The following DLGAP2 variants were observed in gnomAD, a reference collection of about 807,000 sequenced individuals.
DLGAP2 encodes the protein disks large-associated protein 2.
Under a neutral mutation model 100.3 loss-of-function variants are expected in DLGAP2, and 26 were observed. The ratio of observed to expected loss-of-function variants is 0.26; its 90% CI spans 0.19 to 0.36. DLGAP2 has a LOEUF of 0.36. Ranked by LOEUF, DLGAP2 falls within the 10% of genes least tolerant of loss-of-function variation. The pLI is 1.00. For missense variants in DLGAP2, 1,858 were observed against 1,453.2 expected, an observed-to-expected ratio of 1.28 and a Z score of -4.53; for synonymous variants, 886 against 630.1, an observed-to-expected ratio of 1.41 and a Z score of -6.08.
intron 2 of DLGAP2, among the ~76,000 whole-genome samples, chr8:1,194,546 C>T (rs1390406868): frequency 6.6e-6 from 1 of 152,174 alleles, no homozygotes; most frequent in Non-Finnish European, 1.5e-5. Flanking sequence ...AATTCTCCAT[C>T]ACATGCAGAG....
chr8:1,694,659 C>T (rs530449165), intron 13 of DLGAP2, among the ~76,000 whole-genome samples: 66 of 152,244 alleles, frequency 4.3e-4, no homozygotes, highest in African/African-American at 1.3e-3. Flanking sequence ...CATCCAACCC[C>T]GGGGGGTGTG....
chr8:1,429,705 C>G (rs1301368033), intron 3 of DLGAP2, among the ~76,000 whole-genome samples: 1 of 151,760 alleles, frequency 6.6e-6, no homozygotes, highest in African/African-American at 2.4e-5. Context: ...GCACATGGCA[C>G]AACTCTCCAA....
intron 2 of DLGAP2, among the ~76,000 whole-genome samples, chr8:1,166,219 C>G (rs890589516): frequency 2.6e-5 from 4 of 152,172 alleles, no homozygotes; most frequent in African/African-American, 9.7e-5. Context: ...ATGCCTGCAC[C>G]ACATCCTTCT....
intron 3 of DLGAP2, among the ~76,000 whole-genome samples, chr8:1,488,713 C>G (rs1375074059): frequency 6.6e-6 from 1 of 152,168 alleles, no homozygotes; most frequent in Non-Finnish European, 1.5e-5. Context: ...ACAACATCTC[C>G]AAAGCTCCTC....
At chr8:871,468 A>G (rs1797597345) in intron 1 of DLGAP2, among the ~76,000 whole-genome samples, 1 of 152,234 alleles carries the variant, frequency 6.6e-6, no homozygotes, top group Admixed American at 6.5e-5. Flanking sequence ...TCATCCAGAT[A>G]AACTTTAAAA....
At chr8:1,296,828 G>T (rs1019049133) in intron 3 of DLGAP2, among the ~76,000 whole-genome samples, 1 of 152,188 alleles carries the variant, frequency 6.6e-6, no homozygotes, top group African/African-American at 2.4e-5. Flanking sequence ...AGCGGCCCCC[G>T]AACCACACAG....
At chr8:1,072,499 G>T (rs1317089831) in intron 2 of DLGAP2, among the ~76,000 whole-genome samples, 1 of 152,098 alleles carries the variant, frequency 6.6e-6, no homozygotes, top group Admixed American at 6.5e-5. Flanking sequence ...TGGAGAACTC[G>T]ACGCGTGTTT....
chr8:1,495,533 G>A (rs964318945), intron 3 of DLGAP2, among the ~76,000 whole-genome samples: 12 of 152,224 alleles, frequency 7.9e-5, no homozygotes, highest in African/African-American at 2.2e-4. Flanking sequence ...CCAGGACTGC[G>A]CTGGCCCGGC....
At chr8:1,262,848 C>T (rs1020753960) in intron 3 of DLGAP2, among the ~76,000 whole-genome samples, 2 of 152,130 alleles carry the variant, frequency 1.3e-5, no homozygotes, top group African/African-American at 2.4e-5. Context: ...AACTAGAACA[C>T]AGGAAAATTT....
Position 1,460,898 on chromosome 8 carries a change from C to T in DLGAP2, c.107-40468C>T, listed in dbSNP as rs1021744013. Among the ~76,000 whole-genome samples, 12 of 152,256 alleles carry T rather than the reference C, an allele frequency of 7.9e-5. No homozygotes were observed. The East Asian group carries it at 2.1e-3, about 27-fold the overall frequency. ...ATAATTTCCACACAAGTCTTTGGGT[C>T]GGTAGGGATCAGAAAGGACTCTCTC... On this transcript the variant is annotated intron_variant, in intron 3 of 14. Transcript: ENST00000637795.
intron 8 of DLGAP2, among the ~76,000 whole-genome samples, chr8:1,648,281 G>C (rs1237377038): frequency 2.6e-5 from 4 of 152,174 alleles, no homozygotes; most frequent in Non-Finnish European, 1.5e-5. Context: ...TTTCTGTAGA[G>C]TTCCTTTCTG....
chr8:1,651,022 C>G (rs1303981224), intron 8 of DLGAP2, among the ~76,000 whole-genome samples: 4 of 152,174 alleles, frequency 2.6e-5, no homozygotes, highest in African/African-American at 9.6e-5. Context: ...AAAACCCCTG[C>G]TCAGCGGAAT....
chr8:1,342,848 C>A (rs1412182459), intron 3 of DLGAP2, among the ~76,000 whole-genome samples: 1 of 152,162 alleles, frequency 6.6e-6, no homozygotes, highest in African/African-American at 2.4e-5. Context: ...AGTTCCAAGT[C>A]ACAATTCTTT....
At chr8:814,714 G>A (rs1041756817) in intron 1 of DLGAP2, among the ~76,000 whole-genome samples, 9 of 151,576 alleles carry the variant, frequency 5.9e-5, no homozygotes, top group Non-Finnish European at 8.8e-5. Context: ...TTAGCTGGGC[G>A]TGGTGGCAGG....
chr8:1,662,924 A>G (rs1798445618), intron 8 of DLGAP2, among the ~76,000 whole-genome samples: 1 of 139,028 alleles, frequency 7.2e-6, no homozygotes, highest in African/African-American at 2.8e-5. Flanking sequence ...GTCTGTGTGT[A>G]CACGTAGTGT....
intron 2 of DLGAP2, among the ~76,000 whole-genome samples, chr8:1,130,711 G>A (rs1796274128): frequency 6.6e-6 from 1 of 152,254 alleles, no homozygotes; most frequent in Non-Finnish European, 1.5e-5. Flanking sequence ...CTCCCAGGCA[G>A]GGCGTCCCAA....
At chr8:901,363 T>C (rs577003280) in intron 1 of DLGAP2, among the ~76,000 whole-genome samples, 1 of 152,328 alleles carries the variant, frequency 6.6e-6, no homozygotes, top group African/African-American at 2.4e-5. Flanking sequence ...TATTTCTCTA[T>C]TATTTGAATT....
intron 1 of DLGAP2, among the ~76,000 whole-genome samples, chr8:740,953 G>C (rs1388172580): frequency 6.6e-6 from 1 of 152,154 alleles, no homozygotes; most frequent in Non-Finnish European, 1.5e-5. Flanking sequence ...CATATTTAGA[G>C]CATTGCCATC....
At chr8:1,684,582 A>C (rs182294518) in intron 12 of DLGAP2, among the ~76,000 whole-genome samples, 233 of 152,266 alleles carry the variant, frequency 1.5e-3, no homozygotes, top group Admixed American at 3.1e-3. Context: ...GATTGAATGA[A>C]TCTAGATTCA....
Sources: allele counts gnomAD v4.1 joint callset (sites outside exome capture counted in the v4.1 genomes callset), GRCh38; gene constraint gnomAD v4.1.1; transcripts MANE v1.5; gene names NCBI Gene and HGNC (gene_info 2026-07-23, HGNC 2026-07-21).